The following TMOD3 variants were observed in gnomAD, a reference collection of about 807,000 sequenced individuals.
The protein encoded by TMOD3 is tropomodulin 3, also known as tropomodulin-3.
Under a neutral mutation model 39.2 loss-of-function variants are expected in TMOD3, and 20 were observed. That is an observed-to-expected ratio of 0.51 (90% confidence interval 0.36 to 0.74). The LOEUF (loss-of-function observed/expected upper bound fraction) is 0.74. Ranked by LOEUF, TMOD3 falls within the 30% of genes least tolerant of loss-of-function variation. The pLI is 0.00. For missense variants in TMOD3, 381 were observed against 412.8 expected, an observed-to-expected ratio of 0.92 and a Z score of 0.67; for synonymous variants, 143 against 145.8, an observed-to-expected ratio of 0.98 and a Z score of 0.14.
rs1159384962 is a variant in TMOD3 at position 51,911,666 on chromosome 15, A to T, written c.*2856A>T. ...TTGTGTTTTTAAATTGCTATTTTTA[A>T]AAAAGCTTTTTATTACCCATTTTAT... is the stretch of plus-strand genomic sequence containing the variant. On this transcript the variant is annotated 3_prime_UTR_variant, in exon 10 of 10. Coordinates refer to ENST00000308580, the MANE Select transcript of TMOD3 (RefSeq NM_014547.5). The T allele has an allele frequency of 6.6e-6, 1 of 152,200 alleles. No individual in the cohort carries two copies. Among genetic ancestry groups the T allele is most frequent in the African/African-American group, 2.4e-5 (1 of 41,448 alleles). 9.4% of individuals were successfully genotyped at this position (152,200 alleles called of 1,614,324 possible).
chr15:51,838,387 G>A (rs2056296862), intron 1 of TMOD3, among the ~76,000 whole-genome samples: 1 of 152,098 alleles, frequency 6.6e-6, no homozygotes, highest in Admixed American at 6.5e-5. Context: ...GTTAGTCAAG[G>A]TGTTTAGGTC....
At chr15:51,830,505 A>G (rs1188648511) in intron 1 of TMOD3, among the ~76,000 whole-genome samples, 1 of 152,226 alleles carries the variant, frequency 6.6e-6, no homozygotes, top group African/African-American at 2.4e-5. Context: ...GAAATGGGAA[A>G]CAGCCACAGT....
intron 1 of TMOD3, among the ~76,000 whole-genome samples, chr15:51,834,040 GT>G (rs2056268834): frequency 6.6e-6 from 1 of 152,148 alleles, no homozygotes; most frequent in Non-Finnish European, 1.5e-5. Flanking sequence ...GATTAAGAAT[GT>G]TGAGTGCTTT....
intron 4 of TMOD3, among the ~76,000 whole-genome samples, chr15:51,888,040 G>T (rs1566864242): frequency 6.6e-6 from 1 of 152,154 alleles, no homozygotes; most frequent in Non-Finnish European, 1.5e-5. Context: ...CACCGAAAAA[G>T]AGTCTTCAGG....
At chr15:51,876,662 C>T (rs1432053466) in intron 3 of TMOD3, among the ~76,000 whole-genome samples, 3 of 151,838 alleles carry the variant, frequency 2.0e-5, no homozygotes, top group Non-Finnish European at 2.9e-5. Flanking sequence ...GGGGTTTCAC[C>T]GTGTTAGCCA....
At chr15:51,878,124 G>A (rs1488155690) in intron 3 of TMOD3, among the ~76,000 whole-genome samples, 2 of 152,206 alleles carry the variant, frequency 1.3e-5, no homozygotes, top group African/African-American at 4.8e-5. Context: ...TCCCTGATCT[G>A]CAGCCTGGAA....
intron 1 of TMOD3, chr15:51,860,974 G>T: frequency 1.9e-6 from 1 of 537,658 alleles, no homozygotes; most frequent in Non-Finnish European, 3.5e-6. Flanking sequence ...AGCCAAAGTT[G>T]AACATCGTCT....
At chr15:51,845,537 G>A (rs546885880) in intron 1 of TMOD3, among the ~76,000 whole-genome samples, 3 of 152,198 alleles carry the variant, frequency 2.0e-5, no homozygotes, top group Admixed American at 6.5e-5. Flanking sequence ...TGGGAACATC[G>A]CTTGAGCTCA....
At chr15:51,871,670 GAGA>G (rs1368429318) in intron 3 of TMOD3, among the ~76,000 whole-genome samples, 1 of 152,178 alleles carries the variant, frequency 6.6e-6, no homozygotes, top group African/African-American at 2.4e-5. Flanking sequence ...AAAGAAAGCA[GAGA>G]AGAATTACGG....
intron 1 of TMOD3, among the ~76,000 whole-genome samples, chr15:51,852,163 G>A (rs564267026): frequency 5.4e-4 from 82 of 152,286 alleles, no homozygotes; most frequent in Admixed American, 1.7e-3. Flanking sequence ...AATTCATGGC[G>A]TAGGAAATGT....
At chr15:51,861,703 G>A (rs1336723375) in intron 1 of TMOD3, among the ~76,000 whole-genome samples, 1 of 150,390 alleles carries the variant, frequency 6.6e-6, no homozygotes, top group Non-Finnish European at 1.5e-5. Context: ...TGTCACCCAG[G>A]CTAGAGTGTA....
Position 51,901,570 on chromosome 15 carries a change from T to G in TMOD3, c.880-322T>G, listed in dbSNP as rs1397225626. 9 of 236,606 alleles carry G rather than the reference T, an allele frequency of 3.8e-5. No homozygotes were observed. The East Asian group carries it at 5.9e-4, about 15-fold the overall frequency. The allele number at this position is 236,606 out of a possible 1,614,324, so 14.7% of individuals were successfully genotyped here. A position where few individuals can be genotyped will look rare whatever the true frequency, so the allele number is the denominator to read the frequency against. ...ATCATATTACTGAACTTTAAAAAGT[T>G]TAGTGTGTGTGTGTGTGTGTGTGTG... On this transcript the variant is annotated intron_variant, in intron 8 of 9. Coordinates refer to ENST00000308580, the MANE Select transcript of TMOD3 (RefSeq NM_014547.5).
intron 6 of TMOD3, among the ~76,000 whole-genome samples, chr15:51,895,888 C>T (rs2056618305): frequency 6.6e-6 from 1 of 152,134 alleles, no homozygotes; most frequent in South Asian, 2.1e-4. Context: ...GAGGGTGGAT[C>T]ACCTGAGGTC....
At chr15:51,844,419 C>G (rs1289524363) in intron 1 of TMOD3, among the ~76,000 whole-genome samples, 1 of 152,180 alleles carries the variant, frequency 6.6e-6, no homozygotes, top group East Asian at 1.9e-4. Context: ...CGGTTAAAGC[C>G]TTTATGAAAC....
intron 1 of TMOD3, chr15:51,833,166 T>TA (rs971767397): frequency 6.6e-6 from 1 of 152,232 alleles, no homozygotes; most frequent in Non-Finnish European, 1.5e-5. Context: ...TTGGTGTTTA[T>TA]AAAAAATTAT....
rs991159981 is a variant in TMOD3, at chr15:51,911,875, T to C, written c.*3065T>C. ...TGAAATACACTTTCAAAGTTGCCTG[T>C]CATTTAAAAGACCAAATAAGCATTT... On this transcript the variant is annotated 3_prime_UTR_variant, in exon 10 of 10. Transcript: ENST00000308580. 1 of 152,240 alleles carries C rather than the reference T, an allele frequency of 6.6e-6. No homozygotes were observed. The highest frequency in any genetic ancestry group is 2.4e-5 in the African/African-American group (1 of 41,466). 9.4% of individuals were successfully genotyped at this position (152,240 alleles called of 1,614,324 possible). A position where few individuals can be genotyped will look rare whatever the true frequency, so the allele number is the denominator to read the frequency against.
Position 51,901,810 on chromosome 15 carries a change from A to G in TMOD3, c.880-82A>G. On this transcript the variant is annotated intron_variant, in intron 8 of 9. Coordinates refer to ENST00000308580, the MANE Select transcript of TMOD3 (RefSeq NM_014547.5). ...CATTTAAAGAGATCAAAGAATTAGCATGTGCCTGAATGTCTTAATTTACCT... is the reference window on the plus strand; with the variant it reads ...CATTTAAAGAGATCAAAGAATTAGCGTGTGCCTGAATGTCTTAATTTACCT... The G allele has an allele frequency of 2.9e-6, 4 of 1,370,744 alleles. No homozygotes were observed. In the Admixed American group the frequency reaches 6.8e-5, roughly 23 times the overall value. The allele number at this position is 1,370,744 out of a possible 1,614,324, so 84.9% of individuals were successfully genotyped here. A position where few individuals can be genotyped will look rare whatever the true frequency, so the allele number is the denominator to read the frequency against.
intron 9 of TMOD3, among the ~76,000 whole-genome samples, chr15:51,903,452 C>T (rs1007451784): frequency 2.4e-4 from 36 of 152,268 alleles, no homozygotes; most frequent in African/African-American, 8.4e-4. Flanking sequence ...TATTTGAGTT[C>T]CCATTCTGTA....
chr15:51,838,189 T>G (rs1187469379), intron 1 of TMOD3, among the ~76,000 whole-genome samples: 1 of 152,174 alleles, frequency 6.6e-6, no homozygotes, highest in East Asian at 1.9e-4. Context: ...CTTTGATCTC[T>G]TTGTTTAGTA....
Sources: allele counts gnomAD v4.1 joint callset (sites outside exome capture counted in the v4.1 genomes callset), GRCh38; gene constraint gnomAD v4.1.1; transcripts MANE v1.5; gene names NCBI Gene and HGNC (gene_info 2026-07-23, HGNC 2026-07-21).